PLK4: variants seen among roughly 807,000 people sequenced by gnomAD.
PLK4 encodes polo like kinase 4.
A neutral mutation model predicts 103.0 loss-of-function variants in PLK4; 51 were observed. The ratio of observed to expected loss-of-function variants is 0.50; its 90% CI spans 0.40 to 0.63. The LOEUF (loss-of-function observed/expected upper bound fraction) is 0.63, where lower values mean the gene tolerates loss of function less well. Among genes scored for constraint, PLK4 ranks in the 20% least tolerant of loss-of-function variants. The pLI, the probability that PLK4 is intolerant of heterozygous loss-of-function variation, is 0.00. For missense variants in PLK4, 1,054 were observed against 1,151.0 expected (o/e 0.92, Z 1.22); for synonymous variants, 389 against 376.8 (o/e 1.03, Z -0.38).
intron 14 of PLK4, among the ~76,000 whole-genome samples, chr4:127,896,266 T>TG (rs1483574096): frequency 6.6e-6 from 1 of 152,208 alleles, no homozygotes; most frequent in Non-Finnish European, 1.5e-5. Flanking sequence ...AGCCTAGGTG[T>TG]GTTTGATTTG....
chr4:127,883,588 G>A (rs1399396576), intron 4 of PLK4, 35 bp downstream of exon 4: 7 of 933,292 alleles, frequency 7.5e-6, no homozygotes, highest in African/African-American at 1.7e-5. Context: ...GTTTTGTTTG[G>A]GTGGATAAAA....
intron 7 of PLK4, 52 bp from the exon 8 acceptor site, chr4:127,891,040 G>A: frequency 1.0e-6 from 1 of 988,970 alleles, no homozygotes; most frequent in Non-Finnish European, 1.5e-6. Flanking sequence ...TGTCAGAGCT[G>A]TTCTAGTAAA....
chr4:127,884,087 C>T (rs1395789477), intron 4 of PLK4, among the ~76,000 whole-genome samples: 8 of 152,134 alleles, frequency 5.3e-5, no homozygotes, highest in Non-Finnish European at 8.8e-5. Context: ...AGAAATATTT[C>T]AAAGTATAGA....
At chr4:127,884,829 A>G (rs546984944) in intron 4 of PLK4, among the ~76,000 whole-genome samples, 1 of 152,154 alleles carries the variant, frequency 6.6e-6, no homozygotes, top group South Asian at 2.1e-4. Flanking sequence ...AATCCCAGCT[A>G]CTCAGGAAGC....
chr4:127,891,560 T>C lies in PLK4; in HGVS notation c.1936-19T>C. The C allele has an allele frequency of 8.1e-7, 1 of 1,228,936 alleles. No homozygotes were observed. The allele number at this position is 1,228,936 out of a possible 1,614,324, so 76.1% of individuals were successfully genotyped here. A position where few individuals can be genotyped will look rare whatever the true frequency, so the allele number is the denominator to read the frequency against. ...ACTTAATGGCATGTAATTAGAATTT[T>C]AAAAAAATCTTTTGGCAGATCACTA... On this transcript the variant is annotated intron_variant, in intron 8 of 15. Coordinates refer to ENST00000270861, the MANE Select transcript of PLK4 (RefSeq NM_014264.5).
At chr4:127,895,116 C>T in intron 14 of PLK4, 23 bp downstream of exon 14, 1 of 1,492,742 alleles carries the variant, frequency 6.7e-7, no homozygotes, top group Non-Finnish European at 9.0e-7. Context: ...TAGTACAGTG[C>T]ATTTTCTCAG....
At chr4:127,887,243 AG>A (rs1735170716) in intron 5 of PLK4, 152 bp from the exon 6 acceptor site, 2 of 552,102 alleles carry the variant, frequency 3.6e-6, no homozygotes, top group East Asian at 6.2e-5. Flanking sequence ...AGCTTTTTAA[AG>A]ATAGCATAGT....
intron 1 of PLK4, among the ~76,000 whole-genome samples, 184 bp from the exon 2 acceptor site, chr4:127,881,647 G>T (rs1734932559): frequency 6.6e-6 from 1 of 152,100 alleles, no homozygotes; most frequent in Non-Finnish European, 1.5e-5. Flanking sequence ...GCCTGGAAGC[G>T]CAGGTATCCC....
At chr4:127,881,329 C>T (rs2148814712) in intron 1 of PLK4, 165 bp downstream of exon 1, 1 of 1,472,102 alleles carries the variant, frequency 6.8e-7, no homozygotes, top group Admixed American at 2.4e-5. Context: ...AGGGGCGGAG[C>T]GGCCCGCCCC....
intron 6 of PLK4, among the ~76,000 whole-genome samples, chr4:127,888,799 C>T (rs1024938209): frequency 2.0e-5 from 3 of 151,828 alleles, no homozygotes; most frequent in African/African-American, 7.3e-5. Context: ...TATCGTATTA[C>T]CTCATAGACA....
rs766069077 is a variant in PLK4, at chr4:127,886,680, C to A, written c.1310C>A (p.Thr437Lys). ...ANIFNFFKEKTSSSSGSFERP... is the reference protein window; with the variant it reads ...ANIFNFFKEKKSSSSGSFERP... ...ATTTTTAACTTCTTTAAAGAAAAGA[C>A]ATCCAGTAGTTCTGGATCTTTTGAA... The change falls in exon 5 of 16, where the codon ACA becomes AAA. Residue 437 changes from threonine (T) to lysine (K), a missense_variant. Physicochemically the swap from Thr to Lys is moderately conservative, Grantham distance 78 (BLOSUM62 -1). This residue lies in a region of PLK4 where 680 missense variants were observed against 660.3 expected (regional missense o/e 1.03). Coordinates refer to ENST00000270861, the MANE Select transcript of PLK4 (RefSeq NM_014264.5). The A allele has an allele frequency of 1.9e-6, 3 of 1,611,698 alleles. No homozygotes were observed. The South Asian group carries it at 3.3e-5, about 18-fold the overall frequency.
In PLK4 at chr4:127,889,887, A is replaced by C. The variant is rs1372670942; in HGVS notation, c.1481A>C (p.Glu494Ala). The C allele has an allele frequency of 6.2e-7, 1 of 1,605,680 alleles. No individual in the cohort carries two copies. The highest frequency in any genetic ancestry group is 8.5e-7 in the Non-Finnish European group (1 of 1,177,046). ...GTAGCTCATTTAAGAAAAACTACTG[A>C]ATATGACAGCATCAGCCCAAACCGG... is the stretch of plus-strand genomic sequence containing the variant. The part of the protein sequence containing the change: ...QINAHLRKTT[E>A]YDSISPNRDF... Residue 494 changes from glutamate to alanine, a missense_variant, in exon 7 of 16, where the codon GAA (glutamate) becomes GCA (alanine). Transcript: ENST00000270861.
rs1190878035 is a variant in PLK4, at chr4:127,881,840, G to A, written c.40G>A (p.Val14Ile). ...CIGEKIEDFK[V>I]GNLLGKGSFA... ...AATTTTAACTTTTAAGGATTTTAAA[G>A]TTGGAAATCTGCTTGGTAAAGGATC... is the stretch of plus-strand genomic sequence containing the variant. Residue 14 changes from valine (V) to isoleucine (I), a missense_variant, in exon 2 of 16, where the codon GTT becomes ATT. This residue lies in a region of PLK4 where 199 missense variants were observed against 270.1 expected (regional missense o/e 0.74). Transcript: ENST00000270861. 2 of 1,595,348 alleles carry A rather than the reference G, an allele frequency of 1.3e-6. No homozygotes were observed. Among genetic ancestry groups the A allele is most frequent in the Non-Finnish European group, 8.6e-7 (1 of 1,163,102 alleles).
At chr4:127,885,470 C>G (rs1436612377) in intron 4 of PLK4, among the ~76,000 whole-genome samples, 2 of 135,908 alleles carry the variant, frequency 1.5e-5, no homozygotes, top group Non-Finnish European at 3.1e-5. Context: ...CACAGCAAGA[C>G]TCCGTCTCAA....
At chr4:127,886,877 T>G in intron 5 of PLK4, 149 bp downstream of exon 5, 2 of 561,018 alleles carry the variant, frequency 3.6e-6, no homozygotes, top group Non-Finnish European at 3.1e-6. Flanking sequence ...GTTAACAGTC[T>G]TAACAGGAGT....
chr4:127,889,943 G>A lies in PLK4; in HGVS notation c.1537G>A (p.Asp513Asn), dbSNP rs775259250. Residue 513 changes from aspartate to asparagine, a missense_variant, in exon 7 of 16, where the codon GAC becomes AAC. Asp to Asn is a conservative substitution (Grantham distance 23, BLOSUM62 1). Transcript: ENST00000270861. ...CCAGGGCCATCCAGATTTGCAGAAG[G>A]ACACATCAAAAAATGCCTGGACTGA... is the stretch of plus-strand genomic sequence containing the variant. ...DFQGHPDLQK[D>N]TSKNAWTDTK... The A allele has an allele frequency of 8.1e-6, 13 of 1,613,780 alleles. No individual in the cohort carries two copies. Among genetic ancestry groups the A allele is most frequent in the Non-Finnish European group, 1.1e-5 (13 of 1,179,868 alleles).
rs371193761 is a variant in PLK4, at chr4:127,898,482, T to G, written c.2854T>G (p.Leu952Val). 92 of 1,587,974 alleles carry G rather than the reference T, an allele frequency of 5.8e-5. No individual in the cohort carries two copies. The highest frequency in any genetic ancestry group is 7.8e-5 in the Non-Finnish European group (91 of 1,159,948). ...EKLPDYIKQKLQCLSSILLMF... is the reference protein window; with the variant it reads ...EKLPDYIKQKVQCLSSILLMF... ...ATTACCAGACTACATCAAACAGAAA[T>G]TACAGTGTCTGTCTTCCATCCTTTT... The change falls in exon 16 of 16, where the codon TTA becomes GTA. Residue 952 changes from leucine (L) to valine (V), a missense_variant. Physicochemically the swap from Leu to Val is conservative, Grantham distance 32. Around this residue, in one of 4 missense-constraint regions of PLK4, gnomAD observed 167 missense variants for 200.7 expected, o/e 0.83. Transcript: ENST00000270861.
Position 127,883,275 on chromosome 4 carries a change from C to T in PLK4, c.140C>T (p.Ala47Val), listed in dbSNP as rs762738679. The change falls in exon 3 of 16, where the codon GCC (alanine) becomes GTC (valine). Residue 47 changes from alanine (A) to valine (V), a missense_variant. Ala to Val is a moderately conservative substitution (Grantham distance 64, BLOSUM62 0). Coordinates refer to ENST00000270861, the MANE Select transcript of PLK4 (RefSeq NM_014264.5). The part of the protein sequence containing the change: ...EVAIKMIDKK[A>V]MYKAGMVQRV... ...TGTTATTTTTAGATAGATAAGAAAG[C>T]CATGTACAAAGCAGGAATGGTACAG... is the stretch of plus-strand genomic sequence containing the variant. 6.4e-7 allele frequency: 1 copy of T among 1,560,634 alleles called. No individual in the cohort carries two copies.
At chr4:127,889,223 A>T (rs112253161) in intron 6 of PLK4, among the ~76,000 whole-genome samples, 25 of 152,304 alleles carry the variant, frequency 1.6e-4, no homozygotes, top group African/African-American at 5.5e-4. Flanking sequence ...TGCCTTACCA[A>T]GTTTTATATA....
Sources: gnomAD v4.1 joint callset for allele counts (sites outside exome capture counted in the v4.1 genomes callset) on GRCh38, gnomAD v4.1.1 for gene constraint, gnomAD v4.1.1 regional missense constraint, MANE v1.5 for transcripts, NCBI Gene and HGNC (gene_info 2026-07-23, HGNC 2026-07-21) for gene names.